Variants in KAZN observed in about 807,000 individuals in gnomAD.
The protein encoded by KAZN is kazrin.
Under a neutral mutation model 87.4 loss-of-function variants are expected in KAZN, and 40 were observed. The observed-to-expected ratio is 0.46, with a 90% CI of 0.36 to 0.60. The LOEUF (loss-of-function observed/expected upper bound fraction) is 0.60, where lower values mean the gene tolerates loss of function less well. Among genes scored for constraint, KAZN ranks in the 20% least tolerant of loss-of-function variants. The pLI, the probability that KAZN is intolerant of heterozygous loss-of-function variation, is 0.00. For missense variants in KAZN, 898 were observed against 1,073.9 expected (o/e 0.84, Z 2.29); for synonymous variants, 466 against 458.3 (o/e 1.02, Z -0.22).
chr1:15,000,524 GGT>G (rs1388118778), intron 2 of KAZN, among the ~76,000 whole-genome samples: 1 of 151,682 alleles, frequency 6.6e-6, no homozygotes. Context: ...GGGTACAGAG[GGT>G]GTCGTGAGAG....
intron 2 of KAZN, among the ~76,000 whole-genome samples, chr1:14,546,017 C>A (rs1673119084): frequency 6.6e-6 from 1 of 152,072 alleles, no homozygotes; most frequent in Non-Finnish European, 1.5e-5. Flanking sequence ...TACTGACCAC[C>A]ACCAGAGCTA....
chr1:13,897,627 G>C (rs1165516426), intron 1 of KAZN, among the ~76,000 whole-genome samples: 1 of 152,166 alleles, frequency 6.6e-6, no homozygotes, highest in Non-Finnish European at 1.5e-5. Context: ...ATGCCACCCT[G>C]CAGGGTGGAT....
intron 2 of KAZN, among the ~76,000 whole-genome samples, chr1:14,992,680 A>G (rs779282026): frequency 5.3e-5 from 8 of 152,070 alleles, no homozygotes; most frequent in Non-Finnish European, 7.4e-5. Context: ...GTTTAGCCCT[A>G]TCGCCCAGGC....
intron 1 of KAZN, among the ~76,000 whole-genome samples, chr1:14,782,554 CAAAAAAAAAAAAAA>C (rs71572122): frequency 6.0e-5 from 4 of 66,266 alleles, no homozygotes; most frequent in South Asian, 7.3e-4. Flanking sequence ...CCTCAAAGAG[CAAAAAAAAAAAAAA>C]AAAAAAAAAA....
intron 2 of KAZN, among the ~76,000 whole-genome samples, chr1:14,515,092 A>T (rs144645590): frequency 5.9e-5 from 9 of 152,272 alleles, no homozygotes; most frequent in Non-Finnish European, 5.9e-5. Context: ...AATGGACAAA[A>T]ATTAGAAGAC....
At chr1:14,333,604 T>C (rs1657002694) in intron 2 of KAZN, among the ~76,000 whole-genome samples, 1 of 152,118 alleles carries the variant, frequency 6.6e-6, no homozygotes, top group South Asian at 2.1e-4. Flanking sequence ...TATTCTAGTG[T>C]GGAGAGAGAA....
chr1:15,022,283 AG>A (rs2102168852), intron 2 of KAZN, among the ~76,000 whole-genome samples: 1 of 152,246 alleles, frequency 6.6e-6, no homozygotes, highest in African/African-American at 2.4e-5. Context: ...ACCCCGCCCC[AG>A]GGTGCTGCTT....
chr1:14,908,215 T>G (rs1656829742), intron 1 of KAZN, among the ~76,000 whole-genome samples: 1 of 149,466 alleles, frequency 6.7e-6, no homozygotes, highest in South Asian at 2.1e-4. Context: ...CTGGGCAACA[T>G]AGCAAGACCC....
At chr1:15,043,232 C>A (rs1673100372) in intron 3 of KAZN, among the ~76,000 whole-genome samples, 1 of 152,194 alleles carries the variant, frequency 6.6e-6, no homozygotes, top group East Asian at 1.9e-4. Flanking sequence ...GTCGCTGGTG[C>A]CTCCTTACTG....
At chr1:13,937,254 C>T (rs148043694) in intron 1 of KAZN, among the ~76,000 whole-genome samples, 2,913 of 152,274 alleles carry the variant, frequency 0.019, 38 homozygotes, top group South Asian at 0.041. Context: ...CCATGTTAGT[C>T]AGGCTGGTCT....
At chr1:14,249,920 T>C (rs1571140283) in intron 2 of KAZN, among the ~76,000 whole-genome samples, 1 of 152,080 alleles carries the variant, frequency 6.6e-6, no homozygotes, top group East Asian at 1.9e-4. Context: ...TGCCCACAGC[T>C]GTCCGTTTGG....
intron 2 of KAZN, among the ~76,000 whole-genome samples, chr1:14,492,344 G>T (rs933733403): frequency 2.0e-5 from 3 of 152,068 alleles, no homozygotes; most frequent in Non-Finnish European, 2.9e-5. Context: ...TCTCCACACT[G>T]TCTTTTCCCT....
intron 1 of KAZN, among the ~76,000 whole-genome samples, chr1:14,084,736 G>A (rs1193950918): frequency 1.6e-5 from 2 of 128,476 alleles, no homozygotes; most frequent in East Asian, 5.8e-4. Flanking sequence ...TTGTGGGGTG[G>A]GGGGAGGGGA....
chr1:14,669,182 G>T (rs1639761625), intron 1 of KAZN, among the ~76,000 whole-genome samples: 1 of 152,194 alleles, frequency 6.6e-6, no homozygotes, highest in Non-Finnish European at 1.5e-5. Flanking sequence ...AACTTGGGAA[G>T]CCCTGGCTCT....
intron 1 of KAZN, among the ~76,000 whole-genome samples, chr1:14,861,265 C>T (rs547952021): frequency 6.6e-6 from 1 of 152,116 alleles, no homozygotes; most frequent in East Asian, 1.9e-4. Flanking sequence ...TGTAGTCCCC[C>T]CTACTTGGGA....
chr1:14,056,997 T>C (rs61775662), intron 1 of KAZN, among the ~76,000 whole-genome samples: 20,949 of 142,562 alleles, frequency 0.15, 1,848 homozygotes, highest in Middle Eastern at 0.29. Flanking sequence ...TGAGCTGTGA[T>C]CACACCACTG....
intron 1 of KAZN, among the ~76,000 whole-genome samples, chr1:14,900,956 T>C (rs1248657435): frequency 6.6e-6 from 1 of 152,168 alleles, no homozygotes; most frequent in Non-Finnish European, 1.5e-5. Flanking sequence ...TCCGCACACT[T>C]ATTTGTCCAA....
At chr1:13,972,366 C>T (rs552857587) in intron 1 of KAZN, among the ~76,000 whole-genome samples, 9 of 151,304 alleles carry the variant, frequency 5.9e-5, no homozygotes, top group South Asian at 2.1e-4. Context: ...CTCTGCCTCC[C>T]GAATGCCACC....
intron 1 of KAZN, among the ~76,000 whole-genome samples, chr1:14,754,334 C>T (rs141951955): frequency 0.011 from 1,606 of 152,310 alleles, 26 homozygotes; most frequent in African/African-American, 0.037. Flanking sequence ...AATAGGTCTA[C>T]AGAACTCAAA....
Sources: gnomAD v4.1 joint callset for allele counts (sites outside exome capture counted in the v4.1 genomes callset) on GRCh38, gnomAD v4.1.1 for gene constraint, MANE v1.5 for transcripts, NCBI Gene and HGNC (gene_info 2026-07-23, HGNC 2026-07-21) for gene names.